The following FAM149B1 variants were observed in gnomAD, a reference collection of about 807,000 sequenced individuals.
FAM149B1 encodes primary cilium assembly protein FAM149B1.
Under a neutral mutation model 75.3 loss-of-function variants are expected in FAM149B1, and 56 were observed. The observed-to-expected ratio is 0.74, with a 90% CI of 0.60 to 0.93. FAM149B1 has a LOEUF of 0.93. Ranked by LOEUF, FAM149B1 falls within the 40% of genes least tolerant of loss-of-function variation. FAM149B1 has a pLI of 0.00. For synonymous variants in FAM149B1, 259 were observed against 256.1 expected (o/e 1.01, Z -0.11); for missense variants, 639 against 708.4 (o/e 0.90, Z 1.11).
chr10:73,179,089 T>G (rs1429153674), intron 3 of FAM149B1, among the ~76,000 whole-genome samples: 1 of 152,044 alleles, frequency 6.6e-6, no homozygotes, highest in Non-Finnish European at 1.5e-5. Flanking sequence ...CTCACCCTCC[T>G]GAGTAGCTAG....
chr10:73,228,921 G>T (rs777053457), intron 8 of FAM149B1, among the ~76,000 whole-genome samples: 1 of 151,946 alleles, frequency 6.6e-6, no homozygotes, highest in African/African-American at 2.4e-5. Context: ...TTAGAGAGAG[G>T]AGTCTCACTA....
chr10:73,215,231 G>A (rs2043270454), intron 7 of FAM149B1, among the ~76,000 whole-genome samples: 1 of 152,110 alleles, frequency 6.6e-6, no homozygotes, highest in Non-Finnish European at 1.5e-5. Context: ...ATGTTGGCGA[G>A]GCTGGTCTTG....
chr10:73,227,657 G>A (rs1236053621), intron 7 of FAM149B1, among the ~76,000 whole-genome samples: 4 of 152,132 alleles, frequency 2.6e-5, no homozygotes, highest in African/African-American at 7.2e-5. Flanking sequence ...CACCAGCCAC[G>A]TTTGGCCATA....
At chr10:73,186,874 G>A (rs1564685475) in intron 3 of FAM149B1, among the ~76,000 whole-genome samples, 1 of 152,130 alleles carries the variant, frequency 6.6e-6, no homozygotes, top group Non-Finnish European at 1.5e-5. Flanking sequence ...CCAGGGGCTG[G>A]GCAGAGAGAG....
intron 5 of FAM149B1, among the ~76,000 whole-genome samples, chr10:73,208,061 A>G (rs894664280): frequency 6.6e-6 from 1 of 152,210 alleles, no homozygotes; most frequent in Non-Finnish European, 1.5e-5. Flanking sequence ...GTAATCCCCA[A>G]TGCTAGAGGT....
chr10:73,210,385 T>C lies in FAM149B1; in HGVS notation c.845T>C (p.Val282Ala). Reference sequence around the variant, plus strand: ...GTGTTTGACAGTGTATGGTGCAAGGTTGTGAGCTGTATGGAGCAGTTGACA... The same window carrying C: ...GTGTTTGACAGTGTATGGTGCAAGGCTGTGAGCTGTATGGAGCAGTTGACA... ...AYVFDSVWCKVVSCMEQLTRS... is the reference protein window; with the variant it reads ...AYVFDSVWCKAVSCMEQLTRS... The change falls in exon 7 of 14, where the codon GTT becomes GCT. Residue 282 changes from valine to alanine, a missense_variant. By Grantham distance (64) the Val-to-Ala change is moderately conservative. Transcript: ENST00000242505. The C allele has an allele frequency of 6.4e-7, 1 of 1,551,606 alleles. No homozygotes were observed. Among genetic ancestry groups the C allele is most frequent in the East Asian group, 2.4e-5 (1 of 40,922 alleles).
chr10:73,231,391 T>C (rs770373668), intron 9 of FAM149B1: 1 of 152,246 alleles, frequency 6.6e-6, no homozygotes, highest in Admixed American at 6.5e-5. Context: ...TTTAGTTTCA[T>C]AGGAAACTGC....
chr10:73,183,011 C>T lies in FAM149B1; in HGVS notation c.282+5036C>T, dbSNP rs568657166. Among the ~76,000 whole-genome samples the T allele has an allele frequency of 2.8e-4, 42 of 152,282 alleles. 1 individual carries two copies. The South Asian group carries it at 6.4e-3, about 23-fold the overall frequency. ...GGCCTTCCTCCTGTACAGATCCCCT[C>T]CTGTTGTCTCTGTCTCCCTGCCTGG... On this transcript the variant is annotated intron_variant, in intron 3 of 13. Transcript: ENST00000242505.
At chr10:73,224,989 ACTC>A (rs1274406235) in intron 7 of FAM149B1, among the ~76,000 whole-genome samples, 2 of 151,542 alleles carry the variant, frequency 1.3e-5, no homozygotes, top group Non-Finnish European at 2.9e-5. Context: ...GAGCTGAAAA[ACTC>A]CTATCACCTA....
intron 7 of FAM149B1, among the ~76,000 whole-genome samples, chr10:73,221,987 A>G (rs151168703): frequency 6.6e-6 from 1 of 152,188 alleles, no homozygotes; most frequent in Non-Finnish European, 1.5e-5. Context: ...AGAGACATAT[A>G]TATTTTCCAT....
At chr10:73,228,985 C>G (rs945984426) in intron 8 of FAM149B1, among the ~76,000 whole-genome samples, 5 of 152,148 alleles carry the variant, frequency 3.3e-5, no homozygotes, top group African/African-American at 1.2e-4. Context: ...CCCACCTCAG[C>G]CTCCTGAGTC....
Position 73,219,079 on chromosome 10 carries a change from A to AT in FAM149B1, c.898+8647dup, listed in dbSNP as rs1489262379. On this transcript the variant is annotated intron_variant, in intron 7 of 13. Coordinates refer to ENST00000242505, the MANE Select transcript of FAM149B1 (RefSeq NM_173348.2). ...TCAGTCTGTTCAGGGCAATTTATGC[A>AT]TTTTTTATCATGCTTCTCAAAATTC... Among the ~76,000 whole-genome samples, 6 of 152,140 alleles carry AT rather than the reference A, an allele frequency of 3.9e-5. No homozygotes were observed. The South Asian group carries it at 8.3e-4, about 21-fold the overall frequency.
intron 5 of FAM149B1, among the ~76,000 whole-genome samples, chr10:73,194,087 T>G (rs2042740243): frequency 6.6e-6 from 1 of 152,128 alleles, no homozygotes; most frequent in South Asian, 2.1e-4. Context: ...ATTAAACCAT[T>G]CATGAGGACA....
At chr10:73,189,191 TAACACCA>T (rs1373938297) in intron 3 of FAM149B1, among the ~76,000 whole-genome samples, 49 of 152,274 alleles carry the variant, frequency 3.2e-4, no homozygotes, top group Non-Finnish European at 6.5e-4. Context: ...ACTGGGAAGA[TAACACCA>T]CTCCACATTT....
intron 1 of FAM149B1, 98 bp downstream of exon 1, chr10:73,168,484 G>T: frequency 1.4e-6 from 2 of 1,409,378 alleles, no homozygotes; most frequent in South Asian, 1.3e-5. Context: ...CCCAGGGCTG[G>T]GGAGAGATTT....
At chr10:73,203,278 C>T (rs2042981646) in intron 5 of FAM149B1, among the ~76,000 whole-genome samples, 1 of 152,158 alleles carries the variant, frequency 6.6e-6, no homozygotes, top group Non-Finnish European at 1.5e-5. Flanking sequence ...TAATTCTGCT[C>T]ATATTGCATT....
chr10:73,168,426 C>T (rs773424920), intron 1 of FAM149B1, 40 bp downstream of exon 1: 117 of 1,546,944 alleles, frequency 7.6e-5, no homozygotes, highest in Non-Finnish European at 9.3e-5. Context: ...GGGCGGGCGG[C>T]GGGCGCTCTG....
chr10:73,190,721 C>CTTTT (rs35231374), intron 3 of FAM149B1, among the ~76,000 whole-genome samples: 1 of 134,284 alleles, frequency 7.4e-6, no homozygotes, highest in African/African-American at 2.7e-5. Flanking sequence ...CCTCTGACTG[C>CTTTT]TTTTTTTTTT....
chr10:73,235,553 A>G, intron 12 of FAM149B1: 1 of 875,724 alleles, frequency 1.1e-6, no homozygotes, highest in Non-Finnish European at 1.6e-6. Context: ...TTTAACACTT[A>G]AGATATGTCT....
Sources: gnomAD v4.1 joint callset for allele counts (sites outside exome capture counted in the v4.1 genomes callset) on GRCh38, gnomAD v4.1.1 for gene constraint, MANE v1.5 for transcripts, NCBI Gene and HGNC (gene_info 2026-07-23, HGNC 2026-07-21) for gene names.